Variants in BICC1 observed in about 807,000 individuals in gnomAD.
BICC1 encodes the protein protein bicaudal C homolog 1.
BICC1 carries 43 observed loss-of-function variants against 111.0 expected under a neutral mutation model. The observed-to-expected ratio is 0.39, with a 90% CI of 0.30 to 0.50. The LOEUF (loss-of-function observed/expected upper bound fraction) is 0.50. Among genes scored for constraint, BICC1 ranks in the 20% least tolerant of loss-of-function variants. The pLI is 0.88. For synonymous variants in BICC1, 467 were observed against 434.4 expected, an observed-to-expected ratio of 1.07 and a Z score of -0.93; for missense variants, 1,091 against 1,203.2, an observed-to-expected ratio of 0.91 and a Z score of 1.38.
intron 3 of BICC1, among the ~76,000 whole-genome samples, chr10:58,742,689 C>A (rs1319238171): frequency 6.6e-6 from 1 of 152,082 alleles, no homozygotes; most frequent in East Asian, 1.9e-4. Flanking sequence ...CTGCCCACCT[C>A]AGCCTCCCAA....
chr10:58,582,876 G>A (rs925802387), intron 1 of BICC1, among the ~76,000 whole-genome samples: 10 of 152,126 alleles, frequency 6.6e-5, no homozygotes, highest in Non-Finnish European at 1.5e-5. Flanking sequence ...AGAGAACGCA[G>A]GATAATCTTA....
At chr10:58,715,638 A>T in intron 3 of BICC1, 8 of 1,605,752 alleles carry the variant, frequency 5.0e-6, no homozygotes, top group Middle Eastern at 1.7e-4. Context: ...TTCAGGGCCA[A>T]CAATACAGGA....
At chr10:58,688,061 C>T (rs143136457) in intron 2 of BICC1, among the ~76,000 whole-genome samples, 331 of 152,144 alleles carry the variant, frequency 2.2e-3, no homozygotes, top group African/African-American at 7.3e-3. Flanking sequence ...GTGGTCTTGC[C>T]GACTTCACGA....
intron 2 of BICC1, among the ~76,000 whole-genome samples, chr10:58,671,640 A>T (rs1839189315): frequency 6.6e-6 from 1 of 151,852 alleles, no homozygotes; most frequent in Non-Finnish European, 1.5e-5. Context: ...AACTACTTCC[A>T]TGCTTCCCTT....
chr10:58,606,769 A>G (rs183380159), intron 1 of BICC1, among the ~76,000 whole-genome samples: 99 of 152,264 alleles, frequency 6.5e-4, no homozygotes, highest in Admixed American at 3.7e-3. Context: ...TTTCAGTTAC[A>G]AATTGAATTA....
At chr10:58,729,260 T>A (rs576696083) in intron 3 of BICC1, among the ~76,000 whole-genome samples, 1 of 152,242 alleles carries the variant, frequency 6.6e-6, no homozygotes, top group Non-Finnish European at 1.5e-5. Flanking sequence ...TCAATTTTCA[T>A]AGCTAGATCT....
chr10:58,828,760 G>A lies in BICC1; in HGVS notation c.2795-1G>A, dbSNP rs773328701. 1 of 1,612,974 alleles carries A rather than the reference G, an allele frequency of 6.2e-7. No homozygotes were observed. The highest frequency in any genetic ancestry group is 8.5e-7 in the Non-Finnish European group (1 of 1,179,504). On this transcript the variant is annotated splice_acceptor_variant, in intron 20 of 20. Transcript: ENST00000373886. LOFTEE classifies it high-confidence loss of function. ...TAACAATTCTCTCTTTCTCTCTCTA[G>A]AACTAAATAAAAACCGAAGAAAGCT...
chr10:58,820,242 C>T (rs1844214936), intron 19 of BICC1, 127 bp from the exon 20 acceptor site: 2 of 583,156 alleles, frequency 3.4e-6, no homozygotes, highest in Non-Finnish European at 6.0e-6. Context: ...GTTTGTGCTA[C>T]CACCTTTCTT....
At chr10:58,590,885 C>T (rs1220505860) in intron 1 of BICC1, among the ~76,000 whole-genome samples, 1 of 152,180 alleles carries the variant, frequency 6.6e-6, no homozygotes, top group Admixed American at 6.5e-5. Context: ...CCTTAGGAAA[C>T]AGTGGGAAAT....
rs572187943 is a variant in BICC1, at chr10:58,771,664, G to A, written c.308-13337G>A. Reference sequence around the variant, plus strand: ...TTCAGGAACAGAAGCATCAAGATAGGAAATTATAGGACATTTTGGTGCAAT... The same window carrying A: ...TTCAGGAACAGAAGCATCAAGATAGAAAATTATAGGACATTTTGGTGCAAT... On this transcript the variant is annotated intron_variant, in intron 3 of 20. Coordinates refer to ENST00000373886, the MANE Select transcript of BICC1 (RefSeq NM_001080512.3). 1.3e-4 allele frequency among the ~76,000 whole-genome samples: 20 copies of A among 152,224 alleles called. No individual in the cohort carries two copies. In the East Asian group the frequency reaches 3.9e-3, roughly 30 times the overall value.
chr10:58,720,350 G>A (rs1200836317), intron 3 of BICC1, among the ~76,000 whole-genome samples: 3 of 152,174 alleles, frequency 2.0e-5, no homozygotes, highest in Non-Finnish European at 4.4e-5. Flanking sequence ...GAGTGTTGGA[G>A]TAATTTAAGA....
chr10:58,655,869 AT>A (rs1838626622), intron 2 of BICC1, among the ~76,000 whole-genome samples: 1 of 151,728 alleles, frequency 6.6e-6, no homozygotes, highest in African/African-American at 2.4e-5. Context: ...TCAATGCCTA[AT>A]TTATTGAGAG....
chr10:58,795,501 A>G (rs904377199), intron 9 of BICC1, among the ~76,000 whole-genome samples: 3 of 152,194 alleles, frequency 2.0e-5, no homozygotes, highest in Non-Finnish European at 2.9e-5. Flanking sequence ...AGTCAGAAGA[A>G]TTCCAGGAGT....
In BICC1 at chr10:58,818,498, C is replaced by G. The variant is rs960196234; in HGVS notation, c.2694+776C>G. On this transcript the variant is annotated intron_variant, in intron 19 of 20. Coordinates refer to ENST00000373886, the MANE Select transcript of BICC1 (RefSeq NM_001080512.3). ...GGCTTAATTTTATGTTAGAGAACAT[C>G]TGATTTAGTCAGTAATTTCTAGGCA... Among the ~76,000 whole-genome samples the G allele has an allele frequency of 5.9e-5, 9 of 152,194 alleles. No individual in the cohort carries two copies. The East Asian group carries it at 1.7e-3, about 29-fold the overall frequency.
chr10:58,791,663 C>T (rs776543909), intron 8 of BICC1, among the ~76,000 whole-genome samples: 10 of 152,006 alleles, frequency 6.6e-5, no homozygotes, highest in Admixed American at 1.3e-4. Flanking sequence ...TTGCTCAAAC[C>T]GCGGAGGTGG....
chr10:58,766,865 C>G (rs553174386), intron 3 of BICC1, among the ~76,000 whole-genome samples: 1 of 151,904 alleles, frequency 6.6e-6, no homozygotes, highest in East Asian at 1.9e-4. Context: ...AAAATGCTGT[C>G]CAAGAAGCCC....
intron 2 of BICC1, among the ~76,000 whole-genome samples, chr10:58,686,894 T>C (rs1240599588): frequency 3.9e-5 from 6 of 152,230 alleles, no homozygotes. Context: ...TCATTGTCCA[T>C]CTAGCTTTGT....
At chr10:58,725,876 G>T (rs1005592755) in intron 3 of BICC1, among the ~76,000 whole-genome samples, 5 of 152,158 alleles carry the variant, frequency 3.3e-5, no homozygotes, top group Admixed American at 2.6e-4. Context: ...TTAAAAAATT[G>T]CCTTATTCTT....
At chr10:58,605,220 C>T (rs79646547) in intron 1 of BICC1, among the ~76,000 whole-genome samples, 7,061 of 152,148 alleles carry the variant, frequency 0.046, 231 homozygotes, top group Non-Finnish European at 0.074. Flanking sequence ...AATATATACG[C>T]ATAGTTTAAA....
Sources: allele counts gnomAD v4.1 joint callset (sites outside exome capture counted in the v4.1 genomes callset), GRCh38; gene constraint gnomAD v4.1.1; transcripts MANE v1.5; gene names NCBI Gene and HGNC (gene_info 2026-07-23, HGNC 2026-07-21).